HPSE2: variants seen among roughly 807,000 people sequenced by gnomAD.
HPSE2 encodes the protein heparanase 2 (inactive).
A neutral mutation model predicts 60.5 loss-of-function variants in HPSE2; 38 were observed. That is an observed-to-expected ratio of 0.63 (90% CI 0.48 to 0.82). HPSE2 has a LOEUF of 0.82. HPSE2 is among the 40% of genes least tolerant of loss of function. The pLI, the probability that HPSE2 is intolerant of heterozygous loss-of-function variation, is 0.00. For missense variants in HPSE2, 713 were observed against 740.4 expected (o/e 0.96, Z 0.43); for synonymous variants, 295 against 293.2 (o/e 1.01, Z -0.06).
chr10:99,231,039 A>G (rs557974785), intron 2 of HPSE2, among the ~76,000 whole-genome samples: 28 of 152,278 alleles, frequency 1.8e-4, no homozygotes, highest in Admixed American at 1.7e-3. Context: ...ATCTTTGAAA[A>G]GATATAGCCT....
At chr10:99,247,644 C>T in the HPSE2 span, among the ~76,000 whole-genome samples, 1 of 152,190 alleles carries the variant, frequency 6.6e-6, no homozygotes, top group Non-Finnish European at 1.5e-5. Context: ...CTGCTTTCTT[C>T]AAGACACACA....
At chr10:98,667,858 G>A (rs965369217) in intron 6 of HPSE2, among the ~76,000 whole-genome samples, 3 of 152,128 alleles carry the variant, frequency 2.0e-5, no homozygotes, top group Non-Finnish European at 2.9e-5. Context: ...CATTCCCCTT[G>A]AGAACTGGAA....
intron 3 of HPSE2, among the ~76,000 whole-genome samples, chr10:99,023,911 A>G (rs1957321022): frequency 6.6e-6 from 1 of 152,222 alleles, no homozygotes; most frequent in South Asian, 2.1e-4. Flanking sequence ...ACAATAAATA[A>G]CTAACTCTTC....
At chr10:99,297,478 T>C in the HPSE2 span, among the ~76,000 whole-genome samples, 1 of 152,218 alleles carries the variant, frequency 6.6e-6, no homozygotes, top group Non-Finnish European at 1.5e-5. Flanking sequence ...AAGTCCCTCA[T>C]TGTTTGAATG....
chr10:98,771,818 G>A (rs571714782), intron 3 of HPSE2, among the ~76,000 whole-genome samples: 1 of 152,278 alleles, frequency 6.6e-6, no homozygotes, highest in South Asian at 2.1e-4. Flanking sequence ...AAAAGTAATA[G>A]CCATGTTGAG....
At chr10:99,279,000 T>C in the HPSE2 span, among the ~76,000 whole-genome samples, 8,847 of 152,244 alleles carry the variant, frequency 0.058, 358 homozygotes, top group Non-Finnish European at 0.087. Flanking sequence ...CACTTCAAAC[T>C]ACCAAAGATA....
chr10:98,899,636 G>A (rs546223048), intron 3 of HPSE2, among the ~76,000 whole-genome samples: 1 of 152,156 alleles, frequency 6.6e-6, no homozygotes, highest in South Asian at 2.1e-4. Context: ...CTATTAAAAT[G>A]GCTAAAAATA....
chr10:98,598,918 G>C (rs1354265786), intron 9 of HPSE2, among the ~76,000 whole-genome samples: 1 of 152,034 alleles, frequency 6.6e-6, no homozygotes, highest in African/African-American at 2.4e-5. Context: ...CACTGGGGTT[G>C]GCTTGGAGAT....
chr10:98,517,424 T>C (rs2169462), intron 9 of HPSE2, among the ~76,000 whole-genome samples: 116,290 of 152,136 alleles, frequency 0.76, 49,282 homozygotes, highest in East Asian at 0.96. Context: ...TGGAAAACAC[T>C]GGTTCATTCC....
chr10:99,181,624 A>C (rs1293623650), intron 2 of HPSE2, among the ~76,000 whole-genome samples: 1 of 152,160 alleles, frequency 6.6e-6, no homozygotes, highest in Non-Finnish European at 1.5e-5. Flanking sequence ...GCAAACACAC[A>C]CAGGAACAGA....
chr10:99,224,671 C>T (rs1444399734), intron 2 of HPSE2, among the ~76,000 whole-genome samples: 1 of 152,006 alleles, frequency 6.6e-6, no homozygotes, highest in African/African-American at 2.4e-5. Flanking sequence ...TCCATGAGGT[C>T]CCCATCCCAT....
intron 3 of HPSE2, among the ~76,000 whole-genome samples, chr10:98,791,622 C>T (rs563243461): frequency 2.4e-4 from 37 of 152,292 alleles, no homozygotes; most frequent in East Asian, 7.7e-4. Flanking sequence ...ATAAAACAAA[C>T]GCAGTTGTGT....
chr10:98,477,618 G>T (rs1299943394), intron 11 of HPSE2, among the ~76,000 whole-genome samples: 3 of 152,196 alleles, frequency 2.0e-5, no homozygotes, highest in Non-Finnish European at 4.4e-5. Context: ...TTTTTGGTTT[G>T]CTTTTTCTCT....
At chr10:98,551,242 G>T (rs1943856393) in intron 9 of HPSE2, among the ~76,000 whole-genome samples, 1 of 152,086 alleles carries the variant, frequency 6.6e-6, no homozygotes, top group South Asian at 2.1e-4. Context: ...ACAACCAGTT[G>T]CATGTTTTGG....
At chr10:98,468,750 A>G (rs1020319721) in intron 11 of HPSE2, among the ~76,000 whole-genome samples, 2 of 152,102 alleles carry the variant, frequency 1.3e-5, no homozygotes, top group African/African-American at 4.8e-5. Flanking sequence ...GCCTGGCTGT[A>G]TGTTCCAATC....
chr10:98,596,920 A>C (rs1406853618), intron 9 of HPSE2, among the ~76,000 whole-genome samples: 1 of 152,182 alleles, frequency 6.6e-6, no homozygotes, highest in Non-Finnish European at 1.5e-5. Context: ...GTAATTTATA[A>C]AGGAAAGAGG....
Position 98,794,921 on chromosome 10 carries a change from C to G in HPSE2, c.611-50865G>C, listed in dbSNP as rs529838130. Among the ~76,000 whole-genome samples, 107 of 133,774 alleles carry G rather than the reference C, an allele frequency of 8.0e-4. 1 individual carries two copies. In the South Asian group the frequency reaches 0.013, roughly 17 times the overall value. The allele number at this position is 133,774 out of a possible 152,430, so 87.8% of individuals were successfully genotyped here. ...AATGCCTGTGAATTAAAAGCAAATG[C>G]AAGAAGGCTTTCTTTCCTTGTTCAA... On this transcript the variant is annotated intron_variant, in intron 3 of 11. Coordinates refer to ENST00000370552, the MANE Select transcript of HPSE2 (RefSeq NM_021828.5).
chr10:98,850,594 A>G (rs2134731319), intron 3 of HPSE2, among the ~76,000 whole-genome samples: 1 of 152,032 alleles, frequency 6.6e-6, no homozygotes, highest in East Asian at 1.9e-4. Context: ...AAAATTAGCC[A>G]GGCGTGGTGG....
intron 3 of HPSE2, among the ~76,000 whole-genome samples, chr10:99,127,427 C>A (rs911093693): frequency 6.6e-6 from 1 of 151,992 alleles, no homozygotes; most frequent in Non-Finnish European, 1.5e-5. Context: ...TCGAATTAAC[C>A]CAATCGGACA....
Sources: gnomAD v4.1 joint callset for allele counts (sites outside exome capture counted in the v4.1 genomes callset) on GRCh38, gnomAD v4.1.1 for gene constraint, MANE v1.5 for transcripts, NCBI Gene and HGNC (gene_info 2026-07-23, HGNC 2026-07-21) for gene names.